CEP350: variants seen among roughly 807,000 people sequenced by gnomAD.
CEP350 encodes the protein centrosomal protein 350, also known as centrosome-associated protein 350.
CEP350 carries 126 observed loss-of-function variants against 331.8 expected under a neutral mutation model. The observed-to-expected ratio is 0.38, with a 90% CI of 0.33 to 0.44. The LOEUF (loss-of-function observed/expected upper bound fraction) is 0.44. CEP350 is among the 20% of genes least tolerant of loss of function. The probability of loss-of-function intolerance (pLI) is 1.00; values close to 1 mark genes in which losing one functional copy is unlikely to be tolerated. For missense variants in CEP350, 3,406 were observed against 3,634.6 expected (o/e 0.94, Z 1.62); for synonymous variants, 1,200 against 1,259.5 (o/e 0.95, Z 1.00).
intron 27 of CEP350, among the ~76,000 whole-genome samples, chr1:180,072,769 C>T (rs948802316): frequency 3.3e-5 from 5 of 152,176 alleles, no homozygotes; most frequent in Admixed American, 2.6e-4. Flanking sequence ...CATAATTTTA[C>T]AAATCCAAGT....
At chr1:179,985,725 G>A (rs1652599676) in intron 1 of CEP350, among the ~76,000 whole-genome samples, 1 of 151,398 alleles carries the variant, frequency 6.6e-6, no homozygotes, top group African/African-American at 2.4e-5. Context: ...GATCTCACGA[G>A]ACTCACTTAT....
intron 21 of CEP350, among the ~76,000 whole-genome samples, chr1:180,048,086 T>C (rs1022085530): frequency 6.6e-6 from 1 of 152,238 alleles, no homozygotes; most frequent in Non-Finnish European, 1.5e-5. Flanking sequence ...ACATCTAATA[T>C]TGCAAAGCAA....
Position 180,053,040 on chromosome 1 carries a change from A to G in CEP350, c.4863A>G (p.Glu1621=). 2.0e-6 allele frequency: 3 copies of G among 1,535,950 alleles called. No individual in the cohort carries two copies. Among genetic ancestry groups the G allele is most frequent in the Non-Finnish European group, 2.7e-6 (3 of 1,111,072 alleles). ...DESMTEDEIE[E]QSFRSLLPSE... ...CCATGACAGAAGATGAAATAGAAGAACAATCATTTCGATCATTACTACCTT... is the reference window on the plus strand; with the variant it reads ...CCATGACAGAAGATGAAATAGAAGAGCAATCATTTCGATCATTACTACCTT... Residue 1621 remains glutamate (E), a synonymous_variant, in exon 23 of 38, where the codon GAA becomes GAG. Transcript: ENST00000367607.
chr1:179,994,809 T>A (rs533535547), intron 5 of CEP350, among the ~76,000 whole-genome samples: 12 of 152,176 alleles, frequency 7.9e-5, no homozygotes, highest in Non-Finnish European at 1.3e-4. Flanking sequence ...TTTTTTGGGT[T>A]GTGGACCCCA....
At position 180,020,767 on chromosome 1, in the gene CEP350, G is replaced by A; in HGVS notation, c.2993G>A (p.Gly998Glu). 6.2e-7 allele frequency: 1 copy of A among 1,614,002 alleles called. No individual in the cohort carries two copies. The highest frequency in any genetic ancestry group is 8.5e-7 in the Non-Finnish European group (1 of 1,179,896). The change falls in exon 12 of 38, where the codon GGA (glycine) becomes GAA (glutamate). Residue 998 changes from glycine to glutamate, a missense_variant. By Grantham distance (98) the Gly-to-Glu change is moderately conservative. Around this residue, in one of 5 missense-constraint regions of CEP350, gnomAD observed 1,857 missense variants for 1,909.2 expected, o/e 0.97. Transcript: ENST00000367607. ...GAGGGGAGTCTCTCTGAAGAAGAGG[G>A]AGACCAGGATGGACAGCCCCTTTTG... ...LSEGSLSEEE[G>E]DQDGQPLLKV...
chr1:180,053,664 G>T, intron 23 of CEP350, 86 bp from the exon 24 acceptor site: 1 of 751,738 alleles, frequency 1.3e-6, no homozygotes, highest in Non-Finnish European at 2.1e-6. Flanking sequence ...TACATAGTTT[G>T]TTTTTGTAAA....
rs1651867697 is a variant in CEP350, at chr1:179,976,325, A to G, written c.-13-9844A>G. Among the ~76,000 whole-genome samples, 5 of 152,048 alleles carry G rather than the reference A, an allele frequency of 3.3e-5. No homozygotes were observed. In the South Asian group the frequency reaches 1.0e-3, roughly 32 times the overall value. On this transcript the variant is annotated intron_variant, in intron 1 of 37. Transcript: ENST00000367607. ...GACTGTTCATAACAAAGTGAAAGAT[A>G]AAAGCAACATTTTATCAGTGGGCTT...
At chr1:180,082,540 C>T (rs1659638529) in intron 30 of CEP350, among the ~76,000 whole-genome samples, 1 of 152,110 alleles carries the variant, frequency 6.6e-6, no homozygotes, top group African/African-American at 2.4e-5. Context: ...GTCTCAAACT[C>T]CTGACCTCAA....
intron 6 of CEP350, among the ~76,000 whole-genome samples, chr1:179,997,475 G>A (rs1444090567): frequency 1.1e-4 from 17 of 148,622 alleles, no homozygotes; most frequent in African/African-American, 4.0e-4. Context: ...CCCGGGAGGC[G>A]GAGGTTACAC....
chr1:179,988,903 TTC>T (rs1652843001), intron 3 of CEP350, among the ~76,000 whole-genome samples: 1 of 152,124 alleles, frequency 6.6e-6, no homozygotes, highest in African/African-American at 2.4e-5. Context: ...GCAATATATA[TTC>T]TCTTTCTTCT....
At chr1:179,985,551 G>A (rs1652589827) in intron 1 of CEP350, among the ~76,000 whole-genome samples, 1 of 151,984 alleles carries the variant, frequency 6.6e-6, no homozygotes, top group Non-Finnish European at 1.5e-5. Context: ...TCCAAGACTG[G>A]GTAATTTATA....
chr1:180,036,982 T>C lies in CEP350; in HGVS notation c.4003T>C (p.Tyr1335His). 1 of 1,596,224 alleles carries C rather than the reference T, an allele frequency of 6.3e-7. No homozygotes were observed. Among genetic ancestry groups the C allele is most frequent in the Non-Finnish European group, 8.5e-7 (1 of 1,171,202 alleles). Residue 1335 changes from tyrosine (Y) to histidine (H), a missense_variant, in exon 17 of 38, where the codon TAT becomes CAT. Around this residue, in one of 5 missense-constraint regions of CEP350, gnomAD observed 1,857 missense variants for 1,909.2 expected, o/e 0.97. Coordinates refer to ENST00000367607, the MANE Select transcript of CEP350 (RefSeq NM_014810.5). ...TCATCGTATGGCAGCAGAACTCAGT[T>C]ATCTGAACGCCATTGAGGAGTCGGT... ...LHHRMAAELSYLNAIEESVRQ... is the reference protein window; with the variant it reads ...LHHRMAAELSHLNAIEESVRQ...
In CEP350 at chr1:180,006,504, G is replaced by A. The variant is rs1049198276; in HGVS notation, c.1183G>A (p.Val395Ile). ...TGCTGAAAAAAGTAAAGAGAAGAAAGTAGTCAAGCCAGTACGAAAAGTCCA... is the reference window on the plus strand; with the variant it reads ...TGCTGAAAAAAGTAAAGAGAAGAAAATAGTCAAGCCAGTACGAAAAGTCCA... ...KPAEKSKEKK[V>I]VKPVRKVQKV... The change falls in exon 8 of 38, where the codon GTA becomes ATA. Residue 395 changes from valine to isoleucine, a missense_variant. Transcript: ENST00000367607. 1 of 1,553,402 alleles carries A rather than the reference G, an allele frequency of 6.4e-7. No homozygotes were observed. The highest frequency in any genetic ancestry group is 1.9e-5 in the Admixed American group (1 of 51,422).
Position 180,093,358 on chromosome 1 carries a change from C to A in CEP350, c.7253C>A (p.Pro2418Gln). The A allele has an allele frequency of 6.2e-7, 1 of 1,600,338 alleles. No homozygotes were observed. Among genetic ancestry groups the A allele is most frequent in the East Asian group, 2.2e-5 (1 of 44,560 alleles). ...DSQSCRDKPQ[P>Q]MRSSTSGATS... ...CAGTCTTGCAGAGATAAGCCACAGC[C>A]AATGAGGAGCTCTACAAGTGGAGCC... The change falls in exon 34 of 38, where the codon CCA becomes CAA. Residue 2418 changes from proline (P) to glutamine (Q), a missense_variant. Pro to Gln is a moderately conservative substitution (Grantham distance 76). Coordinates refer to ENST00000367607, the MANE Select transcript of CEP350 (RefSeq NM_014810.5).
rs1553265976 is a variant in CEP350 at position 180,090,557 on chromosome 1, A to AAAAGAAAAAAAG, written c.6426-154_6426-153insGAAAAAAAGAAA. 1.6e-4 allele frequency among the ~76,000 whole-genome samples: 15 copies of AAAAGAAAAAAAG among 92,312 alleles called. 1 individual carries two copies. The highest frequency in any genetic ancestry group is 4.5e-4 in the East Asian group (1 of 2,224). 60.6% of individuals were successfully genotyped at this position (92,312 alleles called of 152,430 possible). A position where few individuals can be genotyped will look rare whatever the true frequency, so the allele number is the denominator to read the frequency against. ...CGAGACTCCGTCTCAAAAAAAAAAA[A>AAAAGAAAAAAAG]AAAAAAAAAAAAAGAAATAGGCTTG... is the stretch of plus-strand genomic sequence containing the variant. On this transcript the variant is annotated intron_variant, in intron 32 of 37. Transcript: ENST00000367607.
intron 1 of CEP350, among the ~76,000 whole-genome samples, chr1:179,958,638 T>G (rs1001825495): frequency 6.6e-6 from 1 of 152,192 alleles, no homozygotes; most frequent in Non-Finnish European, 1.5e-5. Flanking sequence ...TCTTGGCGAA[T>G]TACTTAAAGT....
intron 14 of CEP350, among the ~76,000 whole-genome samples, chr1:180,028,416 TA>T (rs1655810906): frequency 6.6e-6 from 1 of 152,234 alleles, no homozygotes; most frequent in Admixed American, 6.5e-5. Context: ...ACTAACTTGT[TA>T]TTGGCAAAGC....
Position 180,020,591 on chromosome 1 carries a change from C to T in CEP350, c.2817C>T (p.Ser939=), listed in dbSNP as rs1293831894. 1 of 1,613,818 alleles carries T rather than the reference C, an allele frequency of 6.2e-7. No homozygotes were observed. Among genetic ancestry groups the T allele is most frequent in the East Asian group, 2.2e-5 (1 of 44,892 alleles). The change falls in exon 12 of 38, where the codon TCC becomes TCT. Residue 939 remains serine, a synonymous_variant. Transcript: ENST00000367607. ...QSAISSFRVR[S]PGPKPEGLLA... is the part of the protein sequence containing the mutation. Reference sequence around the variant, plus strand: ...CCATATCAAGCTTTAGAGTGAGATCCCCTGGTCCCAAACCAGAAGGGCTAC... The same window carrying T: ...CCATATCAAGCTTTAGAGTGAGATCTCCTGGTCCCAAACCAGAAGGGCTAC...
intron 8 of CEP350, among the ~76,000 whole-genome samples, chr1:180,008,761 A>G (rs1408701420): frequency 2.6e-5 from 4 of 152,304 alleles, no homozygotes; most frequent in Admixed American, 6.5e-5. Flanking sequence ...TGTTGTTACA[A>G]TAAAGTATGA....
Sources: allele counts gnomAD v4.1 joint callset (sites outside exome capture counted in the v4.1 genomes callset), GRCh38; gene constraint gnomAD v4.1.1; regional missense constraint gnomAD v4.1.1; transcripts MANE v1.5; gene names NCBI Gene and HGNC (gene_info 2026-07-23, HGNC 2026-07-21).